The following ATXN1 variants were observed in gnomAD, a reference collection of about 807,000 sequenced individuals.
ATXN1 encodes ataxin-1.
Under a neutral mutation model 56.4 loss-of-function variants are expected in ATXN1, and 8 were observed. The observed-to-expected ratio is 0.14, with a 90% CI of 0.08 to 0.26. ATXN1 has a LOEUF of 0.26. Ranked by LOEUF, ATXN1 falls within the 10% of genes least tolerant of loss-of-function variation. The pLI, the probability that ATXN1 is intolerant of heterozygous loss-of-function variation, is 1.00. For synonymous variants in ATXN1, 514 were observed against 494.6 expected, an observed-to-expected ratio of 1.04 and a Z score of -0.52; for missense variants, 987 against 1,106.5, an observed-to-expected ratio of 0.89 and a Z score of 1.53.
chr6:16,342,088 T>C (rs937212657), intron 6 of ATXN1, among the ~76,000 whole-genome samples: 21 of 151,884 alleles, frequency 1.4e-4, no homozygotes, highest in Non-Finnish European at 4.4e-5. Context: ...TTTACCATGT[T>C]GGCCAGGCTG....
At chr6:16,472,199 T>A (rs553285981) in intron 6 of ATXN1, among the ~76,000 whole-genome samples, 1 of 152,168 alleles carries the variant, frequency 6.6e-6, no homozygotes, top group South Asian at 2.1e-4. Flanking sequence ...ATAAGAAGAT[T>A]CTATTTTTTT....
intron 6 of ATXN1, among the ~76,000 whole-genome samples, chr6:16,479,212 A>C (rs1760387805): frequency 6.6e-6 from 1 of 152,228 alleles, no homozygotes; most frequent in Non-Finnish European, 1.5e-5. Context: ...ACAAATACAA[A>C]AAAAAATTGC....
At chr6:16,348,657 T>C (rs903568424) in intron 6 of ATXN1, among the ~76,000 whole-genome samples, 7 of 151,882 alleles carry the variant, frequency 4.6e-5, no homozygotes, top group Admixed American at 2.6e-4. Flanking sequence ...ATTGTACCAT[T>C]GCACTCTAGC....
intron 6 of ATXN1, among the ~76,000 whole-genome samples, chr6:16,464,423 A>T (rs915284339): frequency 3.9e-5 from 6 of 152,174 alleles, no homozygotes; most frequent in African/African-American, 4.8e-5. Flanking sequence ...TGGCCACCAC[A>T]GCCAGCAGCA....
At chr6:16,408,861 C>G (rs1359577708) in intron 6 of ATXN1, among the ~76,000 whole-genome samples, 3 of 152,220 alleles carry the variant, frequency 2.0e-5, no homozygotes, top group African/African-American at 7.2e-5. Flanking sequence ...CTGTCTCAGT[C>G]TGCTGAGTAG....
chr6:16,560,651 A>G (rs1048376248), intron 4 of ATXN1, among the ~76,000 whole-genome samples: 52 of 152,148 alleles, frequency 3.4e-4, no homozygotes, highest in African/African-American at 9.7e-4. Context: ...CCAGACTCCA[A>G]TGAAGCTTCT....
intron 3 of ATXN1, among the ~76,000 whole-genome samples, chr6:16,654,541 TAAAAAA>T (rs1212773515): frequency 3.3e-5 from 4 of 122,536 alleles, no homozygotes; most frequent in South Asian, 5.0e-4. Flanking sequence ...GACTCTGCCT[TAAAAAA>T]AAAAAAAAAA....
At chr6:16,395,101 G>A (rs1467927475) in intron 6 of ATXN1, among the ~76,000 whole-genome samples, 2 of 151,518 alleles carry the variant, frequency 1.3e-5, no homozygotes, top group African/African-American at 2.4e-5. Flanking sequence ...GAGAAATCCC[G>A]TCTCTACTAA....
At chr6:16,640,207 T>C (rs1424882888) in intron 3 of ATXN1, among the ~76,000 whole-genome samples, 1 of 152,150 alleles carries the variant, frequency 6.6e-6, no homozygotes, top group Non-Finnish European at 1.5e-5. Context: ...GTTATATCTG[T>C]TATGGTGATC....
chr6:16,469,195 T>C (rs1037767269), intron 6 of ATXN1, among the ~76,000 whole-genome samples: 2 of 152,230 alleles, frequency 1.3e-5, no homozygotes, highest in Non-Finnish European at 2.9e-5. Context: ...TGTGACATTC[T>C]ATTAGGGCCT....
intron 7 of ATXN1, among the ~76,000 whole-genome samples, chr6:16,318,653 T>C (rs920130694): frequency 6.6e-6 from 1 of 152,236 alleles, no homozygotes; most frequent in Non-Finnish European, 1.5e-5. Context: ...AAAGCCTGAC[T>C]CAGTCCTTGG....
chr6:16,545,929 A>G (rs531068037), intron 4 of ATXN1, among the ~76,000 whole-genome samples: 1 of 152,366 alleles, frequency 6.6e-6, no homozygotes, highest in South Asian at 2.1e-4. Context: ...TGAATTTATT[A>G]TGAAAGCACA....
intron 6 of ATXN1, among the ~76,000 whole-genome samples, chr6:16,376,293 C>A (rs576143112): frequency 2.6e-4 from 39 of 152,234 alleles, no homozygotes; most frequent in African/African-American, 8.7e-4. Flanking sequence ...TGAACAAAAC[C>A]CCAAGGCACT....
At chr6:16,621,386 C>T (rs1458189447) in intron 3 of ATXN1, among the ~76,000 whole-genome samples, 1 of 152,082 alleles carries the variant, frequency 6.6e-6, no homozygotes, top group African/African-American at 2.4e-5. Flanking sequence ...CAGAAATAGC[C>T]CTAAAAGGAG....
At chr6:16,357,209 C>T (rs1010524902) in intron 6 of ATXN1, among the ~76,000 whole-genome samples, 1 of 151,202 alleles carries the variant, frequency 6.6e-6, no homozygotes, top group African/African-American at 2.4e-5. Flanking sequence ...GGGTTTGAGA[C>T]ATTTTTATTT....
chr6:16,476,109 G>A (rs12196800), intron 6 of ATXN1, among the ~76,000 whole-genome samples: 61,668 of 151,858 alleles, frequency 0.41, 13,278 homozygotes, highest in Non-Finnish European at 0.48. Flanking sequence ...CTGACCTCAG[G>A]TGATCCACCC....
chr6:16,699,161 G>T (rs528988293), intron 2 of ATXN1, among the ~76,000 whole-genome samples: 4 of 152,110 alleles, frequency 2.6e-5, no homozygotes, highest in African/African-American at 9.7e-5. Flanking sequence ...GTAGCTCCAC[G>T]GCAGAAAGAA....
intron 6 of ATXN1, among the ~76,000 whole-genome samples, chr6:16,446,967 CT>C (rs1451179054): frequency 1.3e-5 from 2 of 152,186 alleles, no homozygotes; most frequent in Non-Finnish European, 2.9e-5. Context: ...TTGAACTCAG[CT>C]ATAGCATTAG....
At chr6:16,759,976 C>T (rs1458998368) in intron 1 of ATXN1, among the ~76,000 whole-genome samples, 2 of 152,070 alleles carry the variant, frequency 1.3e-5, no homozygotes, top group East Asian at 1.9e-4. Flanking sequence ...GCCCCCCGCC[C>T]GGCGCGCGCG....
Sources: gnomAD v4.1 joint callset for allele counts (sites outside exome capture counted in the v4.1 genomes callset) on GRCh38, gnomAD v4.1.1 for gene constraint, MANE v1.5 for transcripts, NCBI Gene and HGNC (gene_info 2026-07-23, HGNC 2026-07-21) for gene names.